Variants in EPHB6 observed in about 807,000 individuals in gnomAD.
EPHB6 encodes EPH receptor B6.
Under a neutral mutation model 107.0 loss-of-function variants are expected in EPHB6, and 51 were observed. The ratio of observed to expected loss-of-function variants is 0.48; its 90% CI spans 0.38 to 0.60. The LOEUF is 0.60. EPHB6 is among the 20% of genes least tolerant of loss of function. The pLI, the probability that EPHB6 is intolerant of heterozygous loss-of-function variation, is 0.00. For synonymous variants in EPHB6, 553 were observed against 549.0 expected, an observed-to-expected ratio of 1.01 and a Z score of -0.10; for missense variants, 1,141 against 1,355.5, an observed-to-expected ratio of 0.84 and a Z score of 2.48.
Position 142,869,991 on chromosome 7 carries a change from G to A in EPHB6, c.2610+25G>A. 2 of 1,614,094 alleles carry A rather than the reference G, an allele frequency of 1.2e-6. No individual in the cohort carries two copies. The highest frequency in any genetic ancestry group is 1.7e-6 in the Non-Finnish European group (2 of 1,180,008). On this transcript the variant is annotated intron_variant, in intron 17 of 19. Transcript: ENST00000652003. The surrounding 1 kb of genome is among the most constrained non-coding windows in gnomAD (Gnocchi z 4.5). ...GGTGAGCACTGACCTAGACACTGCTGATTTCCCACCCCGATCCCTCCCAGG... is the reference window on the plus strand; with the variant it reads ...GGTGAGCACTGACCTAGACACTGCTAATTTCCCACCCCGATCCCTCCCAGG...
intron 7 of EPHB6, among the ~76,000 whole-genome samples, chr7:142,865,211 G>A (rs770568858): frequency 3.7e-4 from 57 of 152,200 alleles, no homozygotes; most frequent in Non-Finnish European, 6.2e-4. Context: ...CAATAAGCTG[G>A]GAACACCCAC....
Position 142,867,551 on chromosome 7 carries a change from G to C in EPHB6, c.1751-57G>C. On this transcript the variant is annotated intron_variant, in intron 11 of 19. Transcript: ENST00000652003. This position sits in a 1 kb window ranked among gnomAD's most constrained non-coding sequence, Gnocchi z 5.3. Reference sequence around the variant, plus strand: ...GGTGTGTGTGGGTGCCTGGGCACATGAACAAGCACCTGTGAGAGACCTGGC... The same window carrying C: ...GGTGTGTGTGGGTGCCTGGGCACATCAACAAGCACCTGTGAGAGACCTGGC... 1 of 1,482,208 alleles carries C rather than the reference G, an allele frequency of 6.7e-7. No individual in the cohort carries two copies. The highest frequency in any genetic ancestry group is 9.3e-7 in the Non-Finnish European group (1 of 1,076,946). The allele number at this position is 1,482,208 out of a possible 1,614,324, so 91.8% of individuals were successfully genotyped here. A position where few individuals can be genotyped will look rare whatever the true frequency, so the allele number is the denominator to read the frequency against.
At chr7:142,859,013 T>C (rs1295236930) in intron 1 of EPHB6, among the ~76,000 whole-genome samples, 1 of 152,272 alleles carries the variant, frequency 6.6e-6, no homozygotes, top group African/African-American at 2.4e-5. Context: ...ACCATTGTTT[T>C]ATGTTCACAT....
intron 7 of EPHB6, 23 bp from the exon 8 acceptor site, chr7:142,865,452 C>T (rs764528877): frequency 8.1e-6 from 13 of 1,612,338 alleles, no homozygotes; most frequent in African/African-American, 2.7e-5. Flanking sequence ...GTGTGACGCC[C>T]CCACTCTCCT....
At chr7:142,860,716 A>G (rs373785643) in intron 1 of EPHB6, among the ~76,000 whole-genome samples, 9 of 152,170 alleles carry the variant, frequency 5.9e-5, no homozygotes, top group African/African-American at 2.2e-4. Flanking sequence ...AAAGATGTAT[A>G]AAAGGTGAGT....
rs1279006707 is a variant in EPHB6, at chr7:142,868,686, C to T, written c.2233C>T (p.Leu745Phe). 6.2e-7 allele frequency: 1 copy of T among 1,613,998 alleles called. No homozygotes were observed. Among genetic ancestry groups the T allele is most frequent in the South Asian group, 1.1e-5 (1 of 91,080 alleles). ...LEGVVTKSRP[L>F]MVLTEFMELG... Reference sequence around the variant, plus strand: ...GGGCGTGGTCACCAAGAGCCGACCCCTCATGGTGCTGACGGAGTTCATGGA... The same window carrying T: ...GGGCGTGGTCACCAAGAGCCGACCCTTCATGGTGCTGACGGAGTTCATGGA... The change falls in exon 15 of 20, where the codon CTC (leucine) becomes TTC (phenylalanine). Residue 745 changes from leucine (L) to phenylalanine (F), a missense_variant. By Grantham distance (22) the Leu-to-Phe change is conservative. Transcript: ENST00000652003. This position sits in a 1 kb window ranked among gnomAD's most constrained non-coding sequence, Gnocchi z 4.2.
Position 142,859,787 on chromosome 7 carries a change from T to G in EPHB6, c.-431-1265T>G, listed in dbSNP as rs891747851. ...TGTTCTTAGTAAAATTTCAAAAAAT[T>G]GCTGAAGTGGTCATCCACAGGCAGT... On this transcript the variant is annotated intron_variant, in intron 1 of 19. Coordinates refer to ENST00000652003, the MANE Select transcript of EPHB6 (RefSeq NM_004445.6). Among the ~76,000 whole-genome samples, 10 of 152,370 alleles carry G rather than the reference T, an allele frequency of 6.6e-5. No individual in the cohort carries two copies. In the East Asian group the frequency reaches 1.9e-3, roughly 29 times the overall value.
Position 142,864,487 on chromosome 7 carries a change from C to T in EPHB6, c.687C>T (p.Phe229=), listed in dbSNP as rs755527525. 2.5e-6 allele frequency: 4 copies of T among 1,613,316 alleles called. No homozygotes were observed. In the East Asian group the frequency reaches 6.7e-5, roughly 27 times the overall value. The change falls in exon 7 of 20, where the codon TTC becomes TTT. Residue 229 remains phenylalanine, a synonymous_variant. Coordinates refer to ENST00000652003, the MANE Select transcript of EPHB6 (RefSeq NM_004445.6). ...ACLALVAVRL[F]SYTCPAVLRS... is the part of the protein sequence containing the mutation. ...TGGCCCTGGTCGCTGTCAGGCTCTT[C>T]TCCTACACCTGCCCTGCCGTGCTCC...
In EPHB6 at chr7:142,869,804, CTT is replaced by C. The variant is rs1794810084; in HGVS notation, c.2461-11_2461-10del. 2.5e-6 allele frequency: 4 copies of C among 1,614,160 alleles called. No homozygotes were observed. The highest frequency in any genetic ancestry group is 3.4e-6 in the Non-Finnish European group (4 of 1,180,026). ...TATGATTATTACTATTTGCTTTTGACTTTACCCCTCAGGGCCCAAGTTGTTTG... is the reference window on the plus strand; with the variant it reads ...TATGATTATTACTATTTGCTTTTGACTACCCCTCAGGGCCCAAGTTGTTTG... On this transcript the variant is annotated splice_polypyrimidine_tract_variant and intron_variant, in intron 16 of 19. Coordinates refer to ENST00000652003, the MANE Select transcript of EPHB6 (RefSeq NM_004445.6). This position sits in a 1 kb window ranked among gnomAD's most constrained non-coding sequence, Gnocchi z 4.5.
chr7:142,865,863 C>A, intron 8 of EPHB6, 97 bp from the exon 9 acceptor site: 1 of 1,368,154 alleles, frequency 7.3e-7, no homozygotes, highest in Non-Finnish European at 1.0e-6. Context: ...GTCTCCTTCC[C>A]TCTCGGCCAC....
chr7:142,867,933 G>C lies in EPHB6; in HGVS notation c.1866-64G>C, dbSNP rs1794691749. Reference sequence around the variant, plus strand: ...CCGACTAAAGAGCAGTCTGGAGGGTGACAAGGGGGCAGCAAGGGGGTGGAA... The same window carrying C: ...CCGACTAAAGAGCAGTCTGGAGGGTCACAAGGGGGCAGCAAGGGGGTGGAA... On this transcript the variant is annotated intron_variant, in intron 12 of 19. Transcript: ENST00000652003. This position sits in a 1 kb window ranked among gnomAD's most constrained non-coding sequence, Gnocchi z 5.3. The C allele has an allele frequency of 1.4e-5, 21 of 1,548,324 alleles. No homozygotes were observed. The highest frequency in any genetic ancestry group is 1.7e-5 in the Non-Finnish European group (19 of 1,145,990).
Position 142,870,862 on chromosome 7 carries a change from C to T in EPHB6, c.3027C>T (p.Leu1009=), listed in dbSNP as rs760509552. 2 of 1,614,098 alleles carry T rather than the reference C, an allele frequency of 1.2e-6. No homozygotes were observed. Among genetic ancestry groups the T allele is most frequent in the East Asian group, 4.5e-5 (2 of 44,872 alleles). ...HQKKLLHHIQ[L]LQQHLRQQGS... ...AGAAGCTGCTGCACCACATCCAGCT[C>T]CTTCAGCAACACCTGAGGCAGCAGG... The change falls in exon 20 of 20, where the codon CTC becomes CTT. Residue 1009 remains leucine (L), a synonymous_variant. Transcript: ENST00000652003.
chr7:142,856,108 A>C (rs1421270039), intron 1 of EPHB6, among the ~76,000 whole-genome samples: 1 of 152,190 alleles, frequency 6.6e-6, no homozygotes, highest in Admixed American at 6.5e-5. Flanking sequence ...TGTCCCTGGC[A>C]GCGCCCATGG....
In EPHB6 at chr7:142,870,777, T is replaced by A. The variant is rs1273174463; in HGVS notation, c.2961-19T>A. The A allele has an allele frequency of 5.3e-5, 86 of 1,613,828 alleles. No homozygotes were observed. Among genetic ancestry groups the A allele is most frequent in the Non-Finnish European group, 7.1e-5 (84 of 1,179,950 alleles). ...CTCGGAGAAGCTGGCCCAGATTTGATCCCTTCCCTCCCCACCAGAGACCTG... is the reference window on the plus strand; with the variant it reads ...CTCGGAGAAGCTGGCCCAGATTTGAACCCTTCCCTCCCCACCAGAGACCTG... On this transcript the variant is annotated intron_variant, in intron 19 of 19. Coordinates refer to ENST00000652003, the MANE Select transcript of EPHB6 (RefSeq NM_004445.6).
At position 142,869,020 on chromosome 7, in the gene EPHB6, G is replaced by A. The variant is rs200226448; in HGVS notation, c.2333G>A (p.Arg778Gln). 53 of 1,612,216 alleles carry A rather than the reference G, an allele frequency of 3.3e-5. No homozygotes were observed. The highest frequency in any genetic ancestry group is 4.2e-5 in the Non-Finnish European group (50 of 1,179,956). The change falls in exon 16 of 20, where the codon CGG (arginine) becomes CAG (glutamine). Residue 778 changes from arginine to glutamine, a missense_variant. By Grantham distance (43) the Arg-to-Gln change is conservative. This residue lies in a region of EPHB6 where 616 missense variants were observed against 759.3 expected (regional missense o/e 0.81). Coordinates refer to ENST00000652003, the MANE Select transcript of EPHB6 (RefSeq NM_004445.6). The surrounding 1 kb of genome is among the most constrained non-coding windows in gnomAD (Gnocchi z 4.5). ...FSSLQLVAMQ[R>Q]GVAAAMQYLS... ...AGCCTGCAGCTGGTGGCCATGCAGC[G>A]GGGAGTGGCTGCTGCCATGCAGTAC...
At chr7:142,864,865 T>C (rs147140761) in intron 7 of EPHB6, 116 bp downstream of exon 7, 2 of 1,311,448 alleles carry the variant, frequency 1.5e-6, no homozygotes, top group African/African-American at 2.9e-5. Context: ...GAATAAGCCA[T>C]CTTAGGAAAG....
chr7:142,858,618 T>TTTC (rs1265670422), intron 1 of EPHB6, among the ~76,000 whole-genome samples: 3 of 149,692 alleles, frequency 2.0e-5, no homozygotes, highest in Non-Finnish European at 4.5e-5. Context: ...TTTTTTTTTT[T>TTTC]TGTATTTTTA....
At position 142,864,397 on chromosome 7, in the gene EPHB6, G is replaced by C; in HGVS notation, c.597G>C (p.Glu199Asp). Reference protein sequence around the residue: ...QRAGLQLNVKERSFGPLTQRG... With the variant: ...QRAGLQLNVKDRSFGPLTQRG... ...CTGGACTGCAACTGAACGTCAAAGA[G>C]CGGAGCTTTGGGCCTCTCACCCAAC... The change falls in exon 7 of 20, where the codon GAG becomes GAC. Residue 199 changes from glutamate (E) to aspartate (D), a missense_variant. Glu to Asp is a conservative substitution (Grantham distance 45, BLOSUM62 2). Coordinates refer to ENST00000652003, the MANE Select transcript of EPHB6 (RefSeq NM_004445.6). The C allele has an allele frequency of 6.2e-7, 1 of 1,612,954 alleles. No homozygotes were observed. Among genetic ancestry groups the C allele is most frequent in the Non-Finnish European group, 8.5e-7 (1 of 1,179,716 alleles).
chr7:142,859,402 T>C (rs555067281), intron 1 of EPHB6, among the ~76,000 whole-genome samples: 7 of 152,250 alleles, frequency 4.6e-5, no homozygotes, highest in African/African-American at 1.4e-4. Context: ...TTGTCACTTA[T>C]GTTTCTGCCT....
Sources: allele counts gnomAD v4.1 joint callset (sites outside exome capture counted in the v4.1 genomes callset), GRCh38; gene constraint gnomAD v4.1.1; regional missense constraint gnomAD v4.1.1; non-coding constraint Gnocchi (gnomAD v3.1); transcripts MANE v1.5; gene names NCBI Gene and HGNC (gene_info 2026-07-23, HGNC 2026-07-21).